Variants in OGDHL observed in about 807,000 individuals in gnomAD.
OGDHL encodes the protein 2-oxoglutarate dehydrogenase-like, mitochondrial.
In OGDHL, 79 loss-of-function variants were observed where a neutral mutation model predicts 109.6. The observed-to-expected ratio is 0.72, with a 90% CI of 0.60 to 0.87. The LOEUF is 0.87. Ranked by LOEUF, OGDHL falls within the 40% of genes least tolerant of loss-of-function variation. The pLI is 0.00. For synonymous variants in OGDHL, 528 were observed against 537.2 expected, an observed-to-expected ratio of 0.98 and a Z score of 0.24; for missense variants, 1,275 against 1,362.2, an observed-to-expected ratio of 0.94 and a Z score of 1.01.
Position 49,758,518 on chromosome 10 carries a change from C to G in OGDHL, c.75G>C (p.Pro25=), listed in dbSNP as rs149391137. 31 of 1,613,756 alleles carry G rather than the reference C, an allele frequency of 1.9e-5. No individual in the cohort carries two copies. The highest frequency in any genetic ancestry group is 2.6e-5 in the Non-Finnish European group (31 of 1,180,044). The change falls in exon 2 of 23, where the codon CCG becomes CCC. Residue 25 remains proline, a synonymous_variant. Transcript: ENST00000374103. Reference sequence around the variant, plus strand: ...AGGACCTGCTGCGCCAGCCAAACACCGGGACGTCATGTGCAGCCAGGAGCC... The same window carrying G: ...AGGACCTGCTGCGCCAGCCAAACACGGGGACGTCATGTGCAGCCAGGAGCC... The part of the protein sequence containing the change: ...AARLLAAHDV[P]VFGWRSRSSG...
chr10:49,755,104 C>T (rs542482024), intron 3 of OGDHL, among the ~76,000 whole-genome samples: 3 of 152,220 alleles, frequency 2.0e-5, no homozygotes, highest in Middle Eastern at 3.4e-3. Context: ...ATCAGCCAGG[C>T]GTGGTGGCAA....
At chr10:49,745,224 C>A (rs1261873756) in intron 12 of OGDHL, 120 bp downstream of exon 12, 10 of 1,303,666 alleles carry the variant, frequency 7.7e-6, no homozygotes, top group Admixed American at 2.3e-5. Flanking sequence ...GGGACAAGGA[C>A]CATAGTGGCT....
Position 49,742,820 on chromosome 10 carries a change from G to A in OGDHL, c.2012+8C>T. The A allele has an allele frequency of 1.2e-6, 2 of 1,610,998 alleles. No homozygotes were observed. The highest frequency in any genetic ancestry group is 1.1e-5 in the South Asian group (1 of 90,714). ...TCCTGTGCGGATGCTGAGCCCCACT[G>A]CGCTCACCTGAATGTGCCCCTCTCC... On this transcript the variant is annotated splice_region_variant and intron_variant, in intron 15 of 22. Coordinates refer to ENST00000374103, the MANE Select transcript of OGDHL (RefSeq NM_018245.3).
Position 49,758,613 on chromosome 10 carries a change from G to A in OGDHL, c.-1-20C>T. 2 of 1,612,366 alleles carry A rather than the reference G, an allele frequency of 1.2e-6. No individual in the cohort carries two copies. Among genetic ancestry groups the A allele is most frequent in the Non-Finnish European group, 1.7e-6 (2 of 1,179,586 alleles). On this transcript the variant is annotated intron_variant, in intron 1 of 22. Coordinates refer to ENST00000374103, the MANE Select transcript of OGDHL (RefSeq NM_018245.3). ...CTCATTCTGGACACAGGCAATGAAGGAGAGGCATAAATGGCAGGACCAAGA... is the reference window on the plus strand; with the variant it reads ...CTCATTCTGGACACAGGCAATGAAGAAGAGGCATAAATGGCAGGACCAAGA...
rs564545174 is a variant in OGDHL, at chr10:49,757,462, C to T, written c.205-516G>A. 7.9e-5 allele frequency among the ~76,000 whole-genome samples: 12 copies of T among 152,290 alleles called. No homozygotes were observed. The South Asian group carries it at 2.5e-3, about 32-fold the overall frequency. ...CCCATGGAAAGCAACTTGGCAATAC[C>T]CATCAAAATTATACACAGCCACTCC... On this transcript the variant is annotated intron_variant, in intron 2 of 22. Coordinates refer to ENST00000374103, the MANE Select transcript of OGDHL (RefSeq NM_018245.3).
intron 3 of OGDHL, among the ~76,000 whole-genome samples, chr10:49,754,355 C>A (rs562993447): frequency 2.0e-5 from 3 of 151,950 alleles, no homozygotes; most frequent in African/African-American, 7.2e-5. Flanking sequence ...TCATATGAAT[C>A]CAAAAAAAAG....
intron 20 of OGDHL, among the ~76,000 whole-genome samples, chr10:49,737,265 C>T (rs150479911): frequency 7.6e-4 from 116 of 152,236 alleles, no homozygotes; most frequent in African/African-American, 2.6e-3. Context: ...CCCTTCCCAG[C>T]CCTCCCTCTA....
chr10:49,756,229 C>G (rs1010149821), intron 3 of OGDHL, among the ~76,000 whole-genome samples: 1 of 152,208 alleles, frequency 6.6e-6, no homozygotes, highest in African/African-American at 2.4e-5. Context: ...AGCAGTCCTC[C>G]AATTAGTCCT....
chr10:49,756,205 G>A (rs1418774211), intron 3 of OGDHL, among the ~76,000 whole-genome samples: 3 of 152,170 alleles, frequency 2.0e-5, no homozygotes, highest in Non-Finnish European at 4.4e-5. Context: ...CGCTTGTTAT[G>A]GCCTGAACAC....
intron 17 of OGDHL, 41 bp from the exon 18 acceptor site, chr10:49,738,303 T>A (rs774686079): frequency 5.1e-5 from 82 of 1,608,554 alleles, no homozygotes; most frequent in Non-Finnish European, 6.3e-5. Context: ...GACCCCACCA[T>A]GGGAAAGACA....
At position 49,735,246 on chromosome 10, in the gene OGDHL, A is replaced by C. The variant is rs772976058; in HGVS notation, c.3015T>G (p.Phe1005Leu). Residue 1005 changes from phenylalanine (F) to leucine (L), a missense_variant, in exon 23 of 23, where the codon TTT (phenylalanine) becomes TTG (leucine). Coordinates refer to ENST00000374103, the MANE Select transcript of OGDHL (RefSeq NM_018245.3). Reference sequence around the variant, plus strand: ...CCCAGCTCTAAAATGTCTTGCCCTCAAAGGCCTGGAGATTGAAGGCAGTAT... The same window carrying C: ...CCCAGCTCTAAAATGTCTTGCCCTCCAAGGCCTGGAGATTGAAGGCAGTAT... ...FLDTAFNLQAFEGKTF is the reference protein window; with the variant it reads ...FLDTAFNLQALEGKTF 1.9e-6 allele frequency: 3 copies of C among 1,613,774 alleles called. No homozygotes were observed. The highest frequency in any genetic ancestry group is 2.5e-6 in the Non-Finnish European group (3 of 1,179,874).
chr10:49,752,535 A>G (rs2304637), intron 4 of OGDHL, 103 bp downstream of exon 4: 234,222 of 999,222 alleles, frequency 0.23, 31,107 homozygotes, highest in African/African-American at 0.47. Context: ...CTGCTCCCCG[A>G]GCTCCATGGA....
In OGDHL at chr10:49,746,864, C is replaced by G; in HGVS notation, c.1182G>C (p.Leu394=). Reference sequence around the variant, plus strand: ...CAGCAAAGGCGGCGTCCCCATGAACCAGGATGGACATGACCTGCAGGGCAG... The same window carrying G: ...CAGCAAAGGCGGCGTCCCCATGAACGAGGATGGACATGACCTGCAGGGCAG... ...DAQGKKVMSI[L]VHGDAAFAGQ... Residue 394 remains leucine, a synonymous_variant, in exon 10 of 23, where the codon CTG becomes CTC. Transcript: ENST00000374103. 6.2e-7 allele frequency: 1 copy of G among 1,614,188 alleles called. No homozygotes were observed. Among genetic ancestry groups the G allele is most frequent in the Non-Finnish European group, 8.5e-7 (1 of 1,180,022 alleles).
rs1007548289 is a variant in OGDHL, at chr10:49,738,257, T to G, written c.2325A>C (p.Pro775=). ...LLPHGMEGMG[P]EHSSARPERF... Reference sequence around the variant, plus strand: ...TTTCGGGCCTCGCTGACGAGTGCTCTGGGCCCTGAAAGCAAACGCCAGACA... The same window carrying G: ...TTTCGGGCCTCGCTGACGAGTGCTCGGGGCCCTGAAAGCAAACGCCAGACA... The change falls in exon 18 of 23, where the codon CCA becomes CCC. Residue 775 remains proline, a synonymous_variant. Transcript: ENST00000374103. 6.2e-7 allele frequency: 1 copy of G among 1,612,700 alleles called. No individual in the cohort carries two copies.
Position 49,747,225 on chromosome 10 carries a change from G to A in OGDHL, c.988-17C>T, listed in dbSNP as rs767964170. 20 of 1,610,676 alleles carry A rather than the reference G, an allele frequency of 1.2e-5. No homozygotes were observed. The highest frequency in any genetic ancestry group is 1.7e-6 in the Non-Finnish European group (2 of 1,177,752). On this transcript the variant is annotated splice_polypyrimidine_tract_variant and intron_variant, in intron 8 of 22. Coordinates refer to ENST00000374103, the MANE Select transcript of OGDHL (RefSeq NM_018245.3). ...CCCGGAGCCCTGAAGGTGGAGATGG[G>A]AACATGATGGATCCTCCCCTCCCAC... is the stretch of plus-strand genomic sequence containing the variant.
Position 49,745,320 on chromosome 10 carries a change from C to T in OGDHL, c.1629+24G>A, listed in dbSNP as rs199520469. 41 of 1,610,440 alleles carry T rather than the reference C, an allele frequency of 2.5e-5. No homozygotes were observed. The East Asian group carries it at 7.8e-4, about 31-fold the overall frequency. On this transcript the variant is annotated intron_variant, in intron 12 of 22. Coordinates refer to ENST00000374103, the MANE Select transcript of OGDHL (RefSeq NM_018245.3). ...GTCCCCACCCAAAGTTTGTCTTGGG[C>T]GCCCCTGCAGCCTGCCTGCCCACCT...
At chr10:49,742,395 C>CG (rs1841804838) in intron 15 of OGDHL, among the ~76,000 whole-genome samples, 2 of 55,320 alleles carry the variant, frequency 3.6e-5, no homozygotes, top group Non-Finnish European at 5.6e-5. Flanking sequence ...CACACCCCCA[C>CG]ACACACCACA....
Position 49,749,646 on chromosome 10 carries a change from C to T in OGDHL, c.987+80G>A, listed in dbSNP as rs950890159. The T allele has an allele frequency of 8.1e-6, 10 of 1,237,026 alleles. No homozygotes were observed. The Admixed American group carries it at 2.1e-4, about 25-fold the overall frequency. 76.6% of individuals were successfully genotyped at this position (1,237,026 alleles called of 1,614,324 possible). On this transcript the variant is annotated intron_variant, in intron 8 of 22. Coordinates refer to ENST00000374103, the MANE Select transcript of OGDHL (RefSeq NM_018245.3). ...CTTAAGGTTTATCTCAGCCCGGAAGCTCCCGGCTCAGCCCCTCCACAGTCC... is the reference window on the plus strand; with the variant it reads ...CTTAAGGTTTATCTCAGCCCGGAAGTTCCCGGCTCAGCCCCTCCACAGTCC...
chr10:49,751,414 T>A (rs1842579026), intron 6 of OGDHL, among the ~76,000 whole-genome samples: 1 of 149,496 alleles, frequency 6.7e-6, no homozygotes, highest in Non-Finnish European at 1.5e-5. Flanking sequence ...CCACTTTGCA[T>A]CCAGCAGCTG....
Sources: allele counts gnomAD v4.1 joint callset (sites outside exome capture counted in the v4.1 genomes callset), GRCh38; gene constraint gnomAD v4.1.1; transcripts MANE v1.5; gene names NCBI Gene and HGNC (gene_info 2026-07-23, HGNC 2026-07-21).